Variants in PPM1L observed in about 807,000 individuals in gnomAD.
The protein encoded by PPM1L is protein phosphatase, Mg2+/Mn2+ dependent 1L.
In PPM1L, 13 loss-of-function variants were observed where a neutral mutation model predicts 31.4. That is an observed-to-expected ratio of 0.41 (90% CI 0.27 to 0.66). The LOEUF (loss-of-function observed/expected upper bound fraction) is 0.66, where lower values mean the gene tolerates loss of function less well. Among genes scored for constraint, PPM1L ranks in the 30% least tolerant of loss-of-function variants. The pLI is 0.29. For missense variants in PPM1L, 326 were observed against 453.7 expected (o/e 0.72, Z 2.56); for synonymous variants, 184 against 175.4 (o/e 1.05, Z -0.39).
intron 1 of PPM1L, among the ~76,000 whole-genome samples, chr3:160,810,029 C>A (rs1250556294): frequency 1.3e-5 from 2 of 151,908 alleles, no homozygotes; most frequent in African/African-American, 4.8e-5. Context: ...TGCTTCTGAG[C>A]CCTTAGGAGG....
At chr3:161,037,712 G>T (rs990657562) in intron 2 of PPM1L, among the ~76,000 whole-genome samples, 1 of 150,500 alleles carries the variant, frequency 6.6e-6, no homozygotes, top group African/African-American at 2.4e-5. Context: ...GATTACGGGC[G>T]TGAGCCACTG....
At chr3:160,911,602 G>A (rs1281138134) in intron 1 of PPM1L, among the ~76,000 whole-genome samples, 2 of 152,090 alleles carry the variant, frequency 1.3e-5, no homozygotes, top group Non-Finnish European at 2.9e-5. Context: ...TTTATCCTTG[G>A]ATTCCTGCCA....
chr3:160,872,420 G>A (rs938270670), intron 1 of PPM1L, among the ~76,000 whole-genome samples: 1 of 152,030 alleles, frequency 6.6e-6, no homozygotes. Context: ...CCTCCCATAT[G>A]CCCCATACTA....
chr3:160,777,137 A>G (rs1332906523), intron 1 of PPM1L, among the ~76,000 whole-genome samples: 2 of 151,926 alleles, frequency 1.3e-5, no homozygotes, highest in African/African-American at 2.4e-5. Flanking sequence ...AGCCTGGGCA[A>G]CAGAGTGAGA....
At chr3:160,915,591 C>T (rs1421046282) in intron 1 of PPM1L, among the ~76,000 whole-genome samples, 3 of 152,076 alleles carry the variant, frequency 2.0e-5, no homozygotes, top group Admixed American at 6.6e-5. Flanking sequence ...AAAAGGAGCC[C>T]GCATTGCCAA....
At chr3:161,014,133 T>G (rs1717992220) in intron 2 of PPM1L, among the ~76,000 whole-genome samples, 1 of 152,200 alleles carries the variant, frequency 6.6e-6, no homozygotes, top group Admixed American at 6.5e-5. Context: ...GTCTTTACAA[T>G]TTTGCATGTT....
intron 1 of PPM1L, among the ~76,000 whole-genome samples, chr3:160,874,348 C>T (rs542268310): frequency 3.3e-5 from 5 of 152,296 alleles, no homozygotes; most frequent in African/African-American, 9.6e-5. Context: ...GTGGCTGAGT[C>T]CCTGTGTCCT....
chr3:161,008,539 C>T (rs1717788573), intron 2 of PPM1L, among the ~76,000 whole-genome samples: 1 of 152,166 alleles, frequency 6.6e-6, no homozygotes, highest in Non-Finnish European at 1.5e-5. Flanking sequence ...TGCCTTTTGT[C>T]TGCTGGTTTT....
intron 1 of PPM1L, among the ~76,000 whole-genome samples, chr3:160,939,983 A>G (rs1246897357): frequency 6.6e-6 from 1 of 152,216 alleles, no homozygotes; most frequent in African/African-American, 2.4e-5. Flanking sequence ...TGACAATGAT[A>G]TGAACAATAA....
chr3:160,778,553 A>C (rs1711628173), intron 1 of PPM1L, among the ~76,000 whole-genome samples: 1 of 152,192 alleles, frequency 6.6e-6, no homozygotes, highest in Non-Finnish European at 1.5e-5. Flanking sequence ...ATGCAAAACA[A>C]ATAGGAATGT....
intron 1 of PPM1L, among the ~76,000 whole-genome samples, chr3:160,820,221 G>A (rs1713153082): frequency 6.6e-6 from 1 of 152,016 alleles, no homozygotes; most frequent in South Asian, 2.1e-4. Context: ...ATGGCATGGA[G>A]TTATTATTCA....
chr3:160,762,451 A>G (rs1397167949), intron 1 of PPM1L, among the ~76,000 whole-genome samples: 1 of 152,222 alleles, frequency 6.6e-6, no homozygotes, highest in Non-Finnish European at 1.5e-5. Flanking sequence ...CATTTTCTGT[A>G]TAGTTTGGCA....
intron 1 of PPM1L, among the ~76,000 whole-genome samples, chr3:160,835,149 C>CTT (rs374361985): frequency 1.2e-3 from 62 of 50,634 alleles, no homozygotes; most frequent in East Asian, 4.9e-3. Context: ...CTTTTTCTTC[C>CTT]TTTTTTTTTT....
At chr3:160,821,463 T>C (rs1191483353) in intron 1 of PPM1L, among the ~76,000 whole-genome samples, 2 of 152,096 alleles carry the variant, frequency 1.3e-5, no homozygotes, top group Admixed American at 1.3e-4. Context: ...AGAATCATTT[T>C]CTCTAACGTC....
intron 1 of PPM1L, among the ~76,000 whole-genome samples, chr3:160,926,538 T>TC (rs35379381): frequency 3.3e-5 from 5 of 151,900 alleles, no homozygotes; most frequent in Admixed American, 2.6e-4. Context: ...TCTTAGAACC[T>TC]CCCCCCCTTA....
chr3:161,000,739 G>A (rs564978443), intron 2 of PPM1L, among the ~76,000 whole-genome samples: 1 of 152,256 alleles, frequency 6.6e-6, no homozygotes, highest in South Asian at 2.1e-4. Context: ...TTACCAATTA[G>A]AAATTATCAT....
At chr3:160,812,747 G>C (rs1712849269) in intron 1 of PPM1L, among the ~76,000 whole-genome samples, 1 of 152,150 alleles carries the variant, frequency 6.6e-6, no homozygotes, top group African/African-American at 2.4e-5. Context: ...GAAGTGTTTA[G>C]TGTGTGACAT....
chr3:160,779,057 A>G (rs1220900239), intron 1 of PPM1L, among the ~76,000 whole-genome samples: 1 of 150,236 alleles, frequency 6.7e-6, no homozygotes, highest in Non-Finnish European at 1.5e-5. Context: ...TTTGTGTTAT[A>G]GTCCTGTTTC....
At chr3:160,993,616 C>T (rs1717209153) in intron 2 of PPM1L, among the ~76,000 whole-genome samples, 2 of 152,170 alleles carry the variant, frequency 1.3e-5, no homozygotes, top group South Asian at 4.1e-4. Context: ...TGGGCCTCAG[C>T]CCTTAAGAAT....
Sources: allele counts gnomAD v4.1 joint callset (sites outside exome capture counted in the v4.1 genomes callset), GRCh38; gene constraint gnomAD v4.1.1; transcripts MANE v1.5; gene names NCBI Gene and HGNC (gene_info 2026-07-23, HGNC 2026-07-21).